The following ANAPC10 variants were observed in gnomAD, a reference collection of about 807,000 sequenced individuals.
ANAPC10 encodes anaphase promoting complex subunit 10.
ANAPC10 carries 12 observed loss-of-function variants against 22.0 expected under a neutral mutation model. The observed-to-expected ratio is 0.55, with a 90% CI of 0.35 to 0.88. The LOEUF is 0.88. ANAPC10 is among the 40% of genes least tolerant of loss of function. The pLI, the probability that ANAPC10 is intolerant of heterozygous loss-of-function variation, is 0.01. For missense variants in ANAPC10, 188 were observed against 220.9 expected (o/e 0.85, Z 0.94); for synonymous variants, 65 against 69.5 (o/e 0.94, Z 0.32).
rs528612760 is a variant in ANAPC10 at position 145,070,002 on chromosome 4, ATAAC to A, written c.207-5314_207-5311del. Among the ~76,000 whole-genome samples the A allele has an allele frequency of 8.9e-4, 136 of 152,292 alleles. 1 individual carries two copies. The highest frequency in any genetic ancestry group is 2.8e-3 in the African/African-American group (117 of 41,578). The stretch of plus-strand genomic sequence containing the variant: ...GTTAATTATTGTTTATTTTTAGTGA[ATAAC>A]TAAATAATTTAAAGTCCCTAATCTA... On this transcript the variant is annotated intron_variant, in intron 3 of 4. Transcript: ENST00000507656.
intron 4 of ANAPC10, among the ~76,000 whole-genome samples, chr4:145,026,945 A>ATATGTGTG (rs1287102797): frequency 1.3e-3 from 23 of 17,136 alleles, no homozygotes; most frequent in African/African-American, 3.0e-3. Flanking sequence ...ATATATATAT[A>ATATGTGTG]TGTGTGTGTG....
intron 2 of ANAPC10, among the ~76,000 whole-genome samples, chr4:145,088,924 C>T (rs1178239073): frequency 2.6e-5 from 4 of 152,200 alleles, no homozygotes; most frequent in Non-Finnish European, 5.9e-5. Context: ...GCCCCTATAG[C>T]CTTCTTTCTG....
chr4:145,081,539 CAG>C lies in ANAPC10; in HGVS notation c.206+119_206+120del, dbSNP rs1483491357. ...AACTGAAAAATAATCTATAAGACTTCAGAGTTTAAAAAGTTAAGTGTATTTCA... is the reference window on the plus strand; with the variant it reads ...AACTGAAAAATAATCTATAAGACTTCAGTTTAAAAAGTTAAGTGTATTTCA... On this transcript the variant is annotated intron_variant, in intron 3 of 4. Coordinates refer to ENST00000507656, the MANE Select transcript of ANAPC10 (RefSeq NM_001256706.2). 1.7e-5 allele frequency: 10 copies of C among 603,648 alleles called. No homozygotes were observed. In the Admixed American group the frequency reaches 2.3e-4, roughly 14 times the overall value. The allele number at this position is 603,648 out of a possible 1,614,324, so 37.4% of individuals were successfully genotyped here.
chr4:145,010,401 T>C (rs1222073373), intron 4 of ANAPC10, among the ~76,000 whole-genome samples: 1 of 152,094 alleles, frequency 6.6e-6, no homozygotes, highest in Middle Eastern at 3.2e-3. Flanking sequence ...CTATTCACAA[T>C]AGCAAAGACT....
At chr4:145,006,500 C>A (rs188747305) in intron 4 of ANAPC10, among the ~76,000 whole-genome samples, 58 of 152,100 alleles carry the variant, frequency 3.8e-4, no homozygotes, top group African/African-American at 1.4e-3. Context: ...CCAGATGATA[C>A]AAGAAGACCT....
intron 4 of ANAPC10, among the ~76,000 whole-genome samples, chr4:145,061,882 T>C (rs957887294): frequency 6.6e-6 from 1 of 151,188 alleles, no homozygotes; most frequent in African/African-American, 2.4e-5. Flanking sequence ...CCGAGGTGGA[T>C]AGATCACTTG....
intron 4 of ANAPC10, among the ~76,000 whole-genome samples, chr4:145,046,285 C>T (rs1740287129): frequency 6.6e-6 from 1 of 152,092 alleles, no homozygotes; most frequent in African/African-American, 2.4e-5. Context: ...ATACTCCCTA[C>T]TCTATAAATT....
chr4:145,039,237 T>C (rs1260449126), intron 4 of ANAPC10, among the ~76,000 whole-genome samples: 1 of 152,224 alleles, frequency 6.6e-6, no homozygotes, highest in African/African-American at 2.4e-5. Context: ...AGGAAAATTA[T>C]TTTCAAACTA....
At position 144,995,193 on chromosome 4, in the gene ANAPC10, T is replaced by C. The variant is rs1010722108; in HGVS notation, c.*180A>G. 7.2e-6 allele frequency: 3 copies of C among 414,076 alleles called. No individual in the cohort carries two copies. Among genetic ancestry groups the C allele is most frequent in the Non-Finnish European group, 1.3e-5 (3 of 235,804 alleles). 25.7% of individuals were successfully genotyped at this position (414,076 alleles called of 1,614,324 possible). On this transcript the variant is annotated 3_prime_UTR_variant, in exon 5 of 5. Coordinates refer to ENST00000507656, the MANE Select transcript of ANAPC10 (RefSeq NM_001256706.2). ...TGTAAAATATGTGAGCTTTATTACATGTTAAAGAAAATAAAGATAATATGA... is the reference window on the plus strand; with the variant it reads ...TGTAAAATATGTGAGCTTTATTACACGTTAAAGAAAATAAAGATAATATGA...
intron 4 of ANAPC10, among the ~76,000 whole-genome samples, chr4:145,047,499 T>C (rs1740487276): frequency 6.6e-6 from 1 of 152,184 alleles, no homozygotes; most frequent in Non-Finnish European, 1.5e-5. Context: ...ATCCTGAACC[T>C]GGTCAACAGA....
At chr4:145,012,273 A>G (rs952024192) in intron 4 of ANAPC10, among the ~76,000 whole-genome samples, 44 of 150,858 alleles carry the variant, frequency 2.9e-4, no homozygotes, top group Non-Finnish European at 1.6e-4. Context: ...GTGATATTAA[A>G]TTTATACTTA....
chr4:145,085,367 T>A (rs748296089), intron 2 of ANAPC10, among the ~76,000 whole-genome samples: 2 of 152,184 alleles, frequency 1.3e-5, no homozygotes, highest in Non-Finnish European at 2.9e-5. Context: ...TAGTAAAGGA[T>A]AACTAAATCA....
Position 145,017,305 on chromosome 4 carries a change from T to C in ANAPC10, c.328-21702A>G, listed in dbSNP as rs1054297109. Among the ~76,000 whole-genome samples, 8 of 151,608 alleles carry C rather than the reference T, an allele frequency of 5.3e-5. No individual in the cohort carries two copies. The East Asian group carries it at 1.2e-3, about 22-fold the overall frequency. On this transcript the variant is annotated intron_variant, in intron 4 of 4. Coordinates refer to ENST00000507656, the MANE Select transcript of ANAPC10 (RefSeq NM_001256706.2). ...AAAAACAACCCCATCAAAAAGTGGG[T>C]GAAGGATATGAACAGACACTTCTCA...
intron 4 of ANAPC10, among the ~76,000 whole-genome samples, chr4:145,023,480 T>C (rs1736248146): frequency 6.6e-6 from 1 of 152,108 alleles, no homozygotes; most frequent in Non-Finnish European, 1.5e-5. Context: ...ACGATGAAGA[T>C]TTCATTTGTT....
chr4:145,062,060 C>CAA (rs1489080626), intron 4 of ANAPC10, among the ~76,000 whole-genome samples: 1 of 124,356 alleles, frequency 8.0e-6, no homozygotes, highest in African/African-American at 3.0e-5. Context: ...AAGACTCTGT[C>CAA]AAAAAAAGAA....
At chr4:145,085,549 A>G (rs1746761227) in intron 2 of ANAPC10, among the ~76,000 whole-genome samples, 1 of 152,078 alleles carries the variant, frequency 6.6e-6, no homozygotes, top group Non-Finnish European at 1.5e-5. Context: ...TGTTCTTAAA[A>G]TGCAAAAAAA....
At chr4:145,022,138 C>G (rs1202087790) in intron 4 of ANAPC10, among the ~76,000 whole-genome samples, 1 of 152,122 alleles carries the variant, frequency 6.6e-6, no homozygotes, top group Non-Finnish European at 1.5e-5. Context: ...CCATTTGATC[C>G]AGCAATCTCA....
At chr4:145,028,679 C>T (rs532610804) in intron 4 of ANAPC10, among the ~76,000 whole-genome samples, 41 of 152,242 alleles carry the variant, frequency 2.7e-4, no homozygotes, top group African/African-American at 9.4e-4. Context: ...TACTGATAGT[C>T]CTTGGTGTAA....
chr4:145,013,459 T>C (rs893844356), intron 4 of ANAPC10, among the ~76,000 whole-genome samples: 1 of 152,090 alleles, frequency 6.6e-6, no homozygotes, highest in African/African-American at 2.4e-5. Flanking sequence ...AAAAAACCCA[T>C]GTGACAAAAT....
Sources: allele counts gnomAD v4.1 joint callset (sites outside exome capture counted in the v4.1 genomes callset), GRCh38; gene constraint gnomAD v4.1.1; transcripts MANE v1.5; gene names NCBI Gene and HGNC (gene_info 2026-07-23, HGNC 2026-07-21).